C1QTNF3: variants seen among roughly 807,000 people sequenced by gnomAD.
C1QTNF3 encodes the protein complement C1q tumor necrosis factor-related protein 3.
C1QTNF3 carries 26 observed loss-of-function variants against 32.6 expected under a neutral mutation model. The ratio of observed to expected loss-of-function variants is 0.80; its 90% confidence interval spans 0.58 to 1.11. C1QTNF3 has a LOEUF of 1.11. C1QTNF3 is among the 50% of genes least tolerant of loss of function. C1QTNF3 has a pLI of 0.00. For missense variants in C1QTNF3, 362 were observed against 398.2 expected, an observed-to-expected ratio of 0.91 and a Z score of 0.77; for synonymous variants, 155 against 146.0, an observed-to-expected ratio of 1.06 and a Z score of -0.44.
the C1QTNF3 span, among the ~76,000 whole-genome samples, chr5:34,077,189 G>A: frequency 5.3e-5 from 8 of 151,586 alleles, no homozygotes; most frequent in Non-Finnish European, 1.2e-4. Context: ...TTACACAACC[G>A]CAGCTGTTTT....
chr5:34,162,033 A>C, the C1QTNF3 span, among the ~76,000 whole-genome samples: 1 of 151,980 alleles, frequency 6.6e-6, no homozygotes. Flanking sequence ...TTTACCCTGG[A>C]CTGATTCTCT....
the C1QTNF3 span, among the ~76,000 whole-genome samples, chr5:34,231,396 C>T: frequency 6.6e-6 from 1 of 152,046 alleles, no homozygotes; most frequent in African/African-American, 2.4e-5. Flanking sequence ...TGAACAAAAC[C>T]AGTTGCTATT....
At chr5:34,175,275 C>T in the C1QTNF3 span, among the ~76,000 whole-genome samples, 1 of 150,382 alleles carries the variant, frequency 6.6e-6, no homozygotes, top group Admixed American at 6.6e-5. Flanking sequence ...GAACTCCTGG[C>T]CTCAAGCAAT....
chr5:34,202,154 C>G, the C1QTNF3 span, among the ~76,000 whole-genome samples: 1 of 152,060 alleles, frequency 6.6e-6, no homozygotes, highest in Non-Finnish European at 1.5e-5. Flanking sequence ...TCAAGGGAAG[C>G]TGCATTGCTT....
the C1QTNF3 span, among the ~76,000 whole-genome samples, chr5:34,056,499 G>T: frequency 6.8e-4 from 90 of 133,166 alleles, no homozygotes; most frequent in South Asian, 1.3e-3. Context: ...GAGAGAGAGA[G>T]AGAGAGAGAG....
At chr5:34,116,797 T>C in the C1QTNF3 span, among the ~76,000 whole-genome samples, 1 of 152,120 alleles carries the variant, frequency 6.6e-6, no homozygotes, top group Non-Finnish European at 1.5e-5. Context: ...GGTTTCACCA[T>C]GTTGGCCGGG....
the C1QTNF3 span, among the ~76,000 whole-genome samples, chr5:34,230,111 C>T: frequency 1.3e-5 from 2 of 152,272 alleles, no homozygotes; most frequent in African/African-American, 4.8e-5. Flanking sequence ...GAGAAATAAA[C>T]GTCAGTTGTT....
chr5:34,153,872 AAAAC>A, the C1QTNF3 span, among the ~76,000 whole-genome samples: 2 of 150,454 alleles, frequency 1.3e-5, no homozygotes, highest in African/African-American at 4.9e-5. Flanking sequence ...AAAAAAAAAA[AAAAC>A]AAAAGCAAAA....
At chr5:34,244,407 C>A in the C1QTNF3 span, among the ~76,000 whole-genome samples, 1 of 152,210 alleles carries the variant, frequency 6.6e-6, no homozygotes, top group Non-Finnish European at 1.5e-5. Flanking sequence ...GACCCTAGCA[C>A]GTTGCTGTTG....
the C1QTNF3 span, among the ~76,000 whole-genome samples, chr5:34,163,434 T>C: frequency 1.3e-5 from 2 of 151,414 alleles, no homozygotes; most frequent in Admixed American, 6.6e-5. Context: ...CTTATTATTA[T>C]ATTTGTATTT....
At chr5:34,175,640 C>G in the C1QTNF3 span, 86 of 530,546 alleles carry the variant, frequency 1.6e-4, no homozygotes, top group Admixed American at 1.4e-3. Context: ...GGACCTGACT[C>G]CTTTCCTACT....
the C1QTNF3 span, among the ~76,000 whole-genome samples, chr5:34,091,682 CTCTTT>C: frequency 1.4e-3 from 213 of 152,318 alleles, no homozygotes; most frequent in South Asian, 0.043. Context: ...TTAAAACCTT[CTCTTT>C]TCTTTAAGAT....
At chr5:34,174,473 T>C in the C1QTNF3 span, among the ~76,000 whole-genome samples, 1 of 152,182 alleles carries the variant, frequency 6.6e-6, no homozygotes, top group Non-Finnish European at 1.5e-5. Flanking sequence ...TTGTTCTCCT[T>C]TTCCCTCTAC....
the C1QTNF3 span, among the ~76,000 whole-genome samples, chr5:34,063,661 G>C: frequency 6.6e-6 from 1 of 152,172 alleles, no homozygotes; most frequent in Non-Finnish European, 1.5e-5. Context: ...CCCATGTTGA[G>C]AGCTGTATAC....
the C1QTNF3 span, among the ~76,000 whole-genome samples, chr5:34,176,233 T>A: frequency 8.0e-6 from 1 of 125,746 alleles, no homozygotes; most frequent in East Asian, 2.6e-4. Flanking sequence ...AAGGGGAACA[T>A]CACACTCTGG....
chr5:34,049,127 T>C, the C1QTNF3 span, among the ~76,000 whole-genome samples: 2 of 152,202 alleles, frequency 1.3e-5, no homozygotes, highest in African/African-American at 2.4e-5. Context: ...TTTGAGTCTT[T>C]CTCTCTAAGA....
At chr5:34,090,905 T>C in the C1QTNF3 span, among the ~76,000 whole-genome samples, 1 of 152,212 alleles carries the variant, frequency 6.6e-6, no homozygotes, top group South Asian at 2.1e-4. Context: ...ACCCAATTTA[T>C]GGTATTTTAT....
chr5:34,084,817 TCTGTGCAGAAGCTCTTTAG>T, the C1QTNF3 span, among the ~76,000 whole-genome samples: 1 of 112,684 alleles, frequency 8.9e-6, no homozygotes, highest in African/African-American at 4.3e-5. Context: ...TTGTTTTTTT[TCTGTGCAGAAGCTCTTTAG>T]TTTAATTAGA....
chr5:34,228,597 T>G, the C1QTNF3 span, among the ~76,000 whole-genome samples: 1 of 148,712 alleles, frequency 6.7e-6, no homozygotes, highest in African/African-American at 2.5e-5. Flanking sequence ...ACTCTTAGGA[T>G]TCTTCCAAAA....
Sources: gnomAD v4.1 joint callset for allele counts (sites outside exome capture counted in the v4.1 genomes callset) on GRCh38, gnomAD v4.1.1 for gene constraint, MANE v1.5 for transcripts, NCBI Gene and HGNC (gene_info 2026-07-23, HGNC 2026-07-21) for gene names.